The following SPAG16 variants were observed in gnomAD, a reference collection of about 807,000 sequenced individuals.
SPAG16 encodes sperm-associated antigen 16 protein.
In SPAG16, 86 loss-of-function variants were observed where a neutral mutation model predicts 80.4. The ratio of observed to expected loss-of-function variants is 1.07; its 90% CI spans 0.90 to 1.28. The LOEUF (loss-of-function observed/expected upper bound fraction) is 1.28, where lower values mean the gene tolerates loss of function less well. SPAG16 is among the 50% of genes most tolerant of loss of function. The probability of loss-of-function intolerance (pLI) is 0.00; values close to 1 mark genes in which losing one functional copy is unlikely to be tolerated. For missense variants in SPAG16, 870 were observed against 765.3 expected, an observed-to-expected ratio of 1.14 and a Z score of -1.61; for synonymous variants, 294 against 265.9, an observed-to-expected ratio of 1.11 and a Z score of -1.03.
At chr2:213,752,123 C>A (rs1419457897) in intron 10 of SPAG16, among the ~76,000 whole-genome samples, 1 of 152,114 alleles carries the variant, frequency 6.6e-6, no homozygotes, top group African/African-American at 2.4e-5. Context: ...TACTTCATAT[C>A]TCTGAATAAC....
intron 10 of SPAG16, among the ~76,000 whole-genome samples, chr2:213,602,925 T>C (rs1325478809): frequency 2.0e-5 from 3 of 152,284 alleles, no homozygotes; most frequent in African/African-American, 7.2e-5. Flanking sequence ...CTTTATGGCT[T>C]TATATATTGC....
intron 10 of SPAG16, among the ~76,000 whole-genome samples, chr2:213,607,415 T>C (rs2061301009): frequency 6.6e-6 from 1 of 152,212 alleles, no homozygotes; most frequent in Non-Finnish European, 1.5e-5. Flanking sequence ...TAGATTAATA[T>C]TGGTAGATGC....
chr2:213,809,126 C>T (rs2071961546), intron 10 of SPAG16, among the ~76,000 whole-genome samples: 1 of 152,130 alleles, frequency 6.6e-6, no homozygotes, highest in South Asian at 2.1e-4. Context: ...GTGTGTCTCC[C>T]CATTAACAGA....
At chr2:214,315,118 C>A (rs1343630684) in intron 15 of SPAG16, among the ~76,000 whole-genome samples, 1 of 152,046 alleles carries the variant, frequency 6.6e-6, no homozygotes, top group African/African-American at 2.4e-5. Flanking sequence ...TAACAGCTAA[C>A]TGAGGCAAGC....
chr2:213,670,818 C>T (rs1320014989), intron 10 of SPAG16, among the ~76,000 whole-genome samples: 1 of 152,040 alleles, frequency 6.6e-6, no homozygotes, highest in Non-Finnish European at 1.5e-5. Flanking sequence ...TTGAATTTCT[C>T]AAATGCCGCA....
chr2:214,263,336 T>C, intron 15 of SPAG16, among the ~76,000 whole-genome samples: 1 of 152,168 alleles, frequency 6.6e-6, no homozygotes, highest in East Asian at 1.9e-4. Flanking sequence ...TTTATGTCTT[T>C]ACCTGCTTTG....
intron 9 of SPAG16, among the ~76,000 whole-genome samples, chr2:213,469,754 C>T (rs1040988603): frequency 1.3e-5 from 2 of 151,940 alleles, no homozygotes; most frequent in Admixed American, 1.3e-4. Context: ...GTATACTGTT[C>T]CTTACCTTTG....
chr2:214,147,140 T>G (rs188508163), intron 14 of SPAG16, among the ~76,000 whole-genome samples: 67 of 152,338 alleles, frequency 4.4e-4, no homozygotes, highest in Non-Finnish European at 8.8e-4. Context: ...TATGTACTAG[T>G]TTATTAATGA....
chr2:214,291,953 T>C (rs1693836609), intron 15 of SPAG16, among the ~76,000 whole-genome samples: 1 of 152,218 alleles, frequency 6.6e-6, no homozygotes, highest in African/African-American at 2.4e-5. Context: ...TGAAGGGCCA[T>C]CAGTGTTTGC....
At chr2:213,685,087 A>G (rs1376706426) in intron 10 of SPAG16, among the ~76,000 whole-genome samples, 2 of 152,206 alleles carry the variant, frequency 1.3e-5, no homozygotes, top group African/African-American at 4.8e-5. Context: ...ATCTGCCCAG[A>G]CAGAAGGGCT....
At chr2:213,731,647 CT>C (rs2067051183) in intron 10 of SPAG16, among the ~76,000 whole-genome samples, 2 of 152,226 alleles carry the variant, frequency 1.3e-5, no homozygotes, top group Admixed American at 1.3e-4. Context: ...ACCCCCTGCC[CT>C]CCAACACGTC....
chr2:214,108,128 C>T, intron 13 of SPAG16, 68 bp from the exon 14 acceptor site: 1 of 1,213,008 alleles, frequency 8.2e-7, no homozygotes, highest in South Asian at 1.4e-5. Context: ...AACTTAAAAG[C>T]ATCTTTGAAT....
At chr2:213,627,073 A>G (rs1456350666) in intron 10 of SPAG16, among the ~76,000 whole-genome samples, 1 of 152,210 alleles carries the variant, frequency 6.6e-6, no homozygotes, top group Non-Finnish European at 1.5e-5. Flanking sequence ...TTTACTCAGC[A>G]AACTATGTAC....
At chr2:213,726,774 G>T (rs940173200) in intron 10 of SPAG16, among the ~76,000 whole-genome samples, 209 of 152,150 alleles carry the variant, frequency 1.4e-3, no homozygotes, top group African/African-American at 4.9e-3. Context: ...AAGACTGAAG[G>T]TCCTGATGAA....
chr2:214,328,596 A>T (rs762931409), intron 15 of SPAG16, among the ~76,000 whole-genome samples: 1 of 152,208 alleles, frequency 6.6e-6, no homozygotes, highest in Non-Finnish European at 1.5e-5. Flanking sequence ...GGGCAGTGCA[A>T]TTGGATTGAA....
intron 10 of SPAG16, among the ~76,000 whole-genome samples, chr2:213,596,926 A>G (rs888840293): frequency 6.6e-6 from 1 of 152,142 alleles, no homozygotes; most frequent in African/African-American, 2.4e-5. Flanking sequence ...ACAAACAGCT[A>G]TAATTACTTT....
intron 10 of SPAG16, among the ~76,000 whole-genome samples, chr2:213,802,687 TA>T (rs2071493914): frequency 6.6e-6 from 1 of 152,132 alleles, no homozygotes; most frequent in African/African-American, 2.4e-5. Flanking sequence ...ATTCATGATT[TA>T]AAAAAGGAAC....
chr2:213,991,518 C>T lies in SPAG16; in HGVS notation c.1401-22433C>T, dbSNP rs181292485. Among the ~76,000 whole-genome samples, 541 of 152,108 alleles carry T rather than the reference C, an allele frequency of 3.6e-3. 3 individuals carry two copies. The highest frequency in any genetic ancestry group is 0.012 in the African/African-American group (482 of 41,498). ...ATCCACTATTTTATGGTTTGGCATC[C>T]TCACATTCCATTTATTCATCTGAAT... On this transcript the variant is annotated intron_variant, in intron 12 of 15. Coordinates refer to ENST00000331683, the MANE Select transcript of SPAG16 (RefSeq NM_024532.5).
At chr2:213,742,794 C>A (rs1322467147) in intron 10 of SPAG16, among the ~76,000 whole-genome samples, 1 of 151,976 alleles carries the variant, frequency 6.6e-6, no homozygotes, top group Admixed American at 6.6e-5. Context: ...CTCAGGTGAT[C>A]CACCCGTCTC....
Sources: gnomAD v4.1 joint callset for allele counts (sites outside exome capture counted in the v4.1 genomes callset) on GRCh38, gnomAD v4.1.1 for gene constraint, MANE v1.5 for transcripts, NCBI Gene and HGNC (gene_info 2026-07-23, HGNC 2026-07-21) for gene names.